TRPA1: variants seen among roughly 807,000 people sequenced by gnomAD.
TRPA1 encodes the protein ankyrin-like with transmembrane domains 1.
A neutral mutation model predicts 131.3 loss-of-function variants in TRPA1; 129 were observed. The ratio of observed to expected loss-of-function variants is 0.98; its 90% CI spans 0.85 to 1.14. The LOEUF (loss-of-function observed/expected upper bound fraction) is 1.14, where lower values mean the gene tolerates loss of function less well. Among genes scored for constraint, TRPA1 ranks in the 50% most tolerant of loss-of-function variants. The pLI, the probability that TRPA1 is intolerant of heterozygous loss-of-function variation, is 0.00. For missense variants in TRPA1, 1,304 were observed against 1,354.2 expected, an observed-to-expected ratio of 0.96 and a Z score of 0.58; for synonymous variants, 441 against 451.7, an observed-to-expected ratio of 0.98 and a Z score of 0.30.
upstream of TRPA1, chr8:72,075,677 G>A (rs374787644): frequency 2.0e-6 from 1 of 505,310 alleles, no homozygotes; most frequent in Non-Finnish European, 3.6e-6. Context: ...CGCAAAGAGG[G>A]CGGCGGCGCC....
At chr8:72,033,942 T>C in intron 22 of TRPA1, 116 bp from the exon 23 acceptor site, 1 of 1,006,414 alleles carries the variant, frequency 9.9e-7, no homozygotes, top group East Asian at 2.6e-5. Flanking sequence ...GTCATAGGCA[T>C]ATAGCTGTTG....
chr8:72,057,856 C>A, intron 8 of TRPA1, 40 bp from the exon 9 acceptor site: 1 of 1,412,148 alleles, frequency 7.1e-7, no homozygotes, highest in Non-Finnish European at 1.0e-6. Flanking sequence ...AGCTTAGAAA[C>A]AGATAAATCA....
chr8:72,064,503 G>T (rs547056795), intron 4 of TRPA1, among the ~76,000 whole-genome samples: 2 of 151,388 alleles, frequency 1.3e-5, no homozygotes, highest in African/African-American at 4.8e-5. Context: ...CTAAATTCTT[G>T]GTTTGAGTGT....
chr8:72,038,810 G>T, intron 19 of TRPA1, 55 bp downstream of exon 19: 1 of 1,493,582 alleles, frequency 6.7e-7, no homozygotes, highest in South Asian at 1.2e-5. Flanking sequence ...GTAGTCTTAA[G>T]AAAAAATACA....
chr8:72,034,436 G>A, intron 21 of TRPA1, 59 bp from the exon 22 acceptor site: 2 of 1,155,206 alleles, frequency 1.7e-6, no homozygotes, highest in East Asian at 5.1e-5. Flanking sequence ...TATTCATTCA[G>A]TGACAATATT....
upstream of TRPA1, among the ~76,000 whole-genome samples, chr8:72,075,890 G>A (rs1044414609): frequency 6.6e-6 from 1 of 151,398 alleles, no homozygotes; most frequent in East Asian, 2.0e-4. Flanking sequence ...GTGTGTGTGT[G>A]TGTGTGTGTG....
intron 15 of TRPA1, among the ~76,000 whole-genome samples, chr8:72,049,604 C>A (rs1414744819): frequency 6.6e-6 from 1 of 152,154 alleles, no homozygotes; most frequent in Non-Finnish European, 1.5e-5. Flanking sequence ...TAATACTCAT[C>A]TGCTCAACAA....
chr8:72,051,153 G>A (rs1805496287), intron 14 of TRPA1, among the ~76,000 whole-genome samples: 1 of 152,128 alleles, frequency 6.6e-6, no homozygotes, highest in Admixed American at 6.5e-5. Flanking sequence ...AAGAAGCTGG[G>A]ACTATATCTT....
intron 2 of TRPA1, among the ~76,000 whole-genome samples, chr8:72,069,424 T>C (rs1352089132): frequency 6.6e-6 from 1 of 152,202 alleles, no homozygotes. Context: ...TAAATTTCTA[T>C]AGGTAGCATT....
At chr8:72,084,358 C>CTTCATCCTCATAAATTTCTAAATT in the TRPA1 span, among the ~76,000 whole-genome samples, 5,798 of 152,062 alleles carry the variant, frequency 0.038, 368 homozygotes, top group African/African-American at 0.13. Flanking sequence ...ATTTCTAAAT[C>CTTCATCCTCATAAATTTCTAAATT]TTCCCTATAT....
At position 72,071,770 on chromosome 8, in the gene TRPA1, G is replaced by A; in HGVS notation, c.209C>T (p.Ala70Val). The part of the protein sequence containing the change: ...DDMDTFFLHY[A>V]AAEGQIELME... The stretch of plus-strand genomic sequence containing the variant: ...TAGCTCAATTTGGCCTTCTGCTGCA[G>A]CATAATGCAAGAAGAAGGTGTCCAT... The change falls in exon 2 of 27, where the codon GCT becomes GTT. Residue 70 changes from alanine to valine, a missense_variant. Transcript: ENST00000262209. 6.2e-7 allele frequency: 1 copy of A among 1,613,652 alleles called. No individual in the cohort carries two copies. The highest frequency in any genetic ancestry group is 2.2e-5 in the East Asian group (1 of 44,834).
chr8:72,070,253 C>T (rs1173641453), intron 2 of TRPA1, among the ~76,000 whole-genome samples: 1 of 152,084 alleles, frequency 6.6e-6, no homozygotes, highest in African/African-American at 2.4e-5. Flanking sequence ...GCCATGTTTT[C>T]TGTTTCTCTC....
In TRPA1 at chr8:72,050,816, T is replaced by C. The variant is rs202072255; in HGVS notation, c.1867A>G (p.Ile623Val). Residue 623 changes from isoleucine to valine, a missense_variant, in exon 15 of 27, where the codon ATT becomes GTT. Transcript: ENST00000262209. ...GGGAGGTATTCTATCATTTCTGTAA[T>C]TGGACATTTATTGCCTGGAGAATTA... ...SHNSPGNKCP[I>V]TEMIEYLPEC... 1.1e-5 allele frequency: 18 copies of C among 1,612,130 alleles called. No individual in the cohort carries two copies. Among genetic ancestry groups the C allele is most frequent in the African/African-American group, 2.7e-5 (2 of 74,866 alleles).
chr8:72,038,755 C>T, intron 19 of TRPA1, 110 bp downstream of exon 19: 1 of 917,190 alleles, frequency 1.1e-6, no homozygotes, highest in Non-Finnish European at 1.6e-6. Context: ...TTCTTACAGG[C>T]TATTTATAAT....
intron 7 of TRPA1, 149 bp downstream of exon 7, chr8:72,061,476 G>T: frequency 1.2e-6 from 1 of 852,218 alleles, no homozygotes; most frequent in Non-Finnish European, 1.9e-6. Flanking sequence ...ACGCGATTCC[G>T]GTTGATCCAC....
chr8:72,057,014 G>A lies in TRPA1; in HGVS notation c.1097C>T (p.Ala366Val). 1.3e-6 allele frequency: 2 copies of A among 1,597,398 alleles called. No individual in the cohort carries two copies. Among genetic ancestry groups the A allele is most frequent in the African/African-American group, 1.4e-5 (1 of 74,030 alleles). ...AAAATTATCTTTTATGTCTACTTGG[G>A]CACCTAAAAAAAAACACTATGTAAA... is the stretch of plus-strand genomic sequence containing the variant. ...NIVNLLLSKGAQVDIKDNFGR... is the reference protein window; with the variant it reads ...NIVNLLLSKGVQVDIKDNFGR... The change falls in exon 10 of 27, where the codon GCC becomes GTC. Residue 366 changes from alanine (A) to valine (V), a missense_variant. Transcript: ENST00000262209.
chr8:72,050,763 T>G lies in TRPA1; in HGVS notation c.1905+15A>C. 1 of 1,558,352 alleles carries G rather than the reference T, an allele frequency of 6.4e-7. No individual in the cohort carries two copies. The highest frequency in any genetic ancestry group is 8.8e-7 in the Non-Finnish European group (1 of 1,131,132). On this transcript the variant is annotated intron_variant, in intron 15 of 26. Coordinates refer to ENST00000262209, the MANE Select transcript of TRPA1 (RefSeq NM_007332.3). Reference sequence around the variant, plus strand: ...AAGCATAAACCCGGGAAGAATTTTGTTTTAGAGAATTTACCTTCATGCATT... The same window carrying G: ...AAGCATAAACCCGGGAAGAATTTTGGTTTAGAGAATTTACCTTCATGCATT...
At chr8:72,068,691 C>A (rs1344637354) in intron 3 of TRPA1, among the ~76,000 whole-genome samples, 1 of 152,150 alleles carries the variant, frequency 6.6e-6, no homozygotes, top group Non-Finnish European at 1.5e-5. Context: ...CCAAGTTATT[C>A]AAATTCTTTT....
At chr8:72,044,440 T>A (rs1812358295) in intron 17 of TRPA1, among the ~76,000 whole-genome samples, 1 of 152,026 alleles carries the variant, frequency 6.6e-6, no homozygotes, top group Non-Finnish European at 1.5e-5. Flanking sequence ...AAAACAATCC[T>A]CTTACGTTTC....
Sources: allele counts gnomAD v4.1 joint callset (sites outside exome capture counted in the v4.1 genomes callset), GRCh38; gene constraint gnomAD v4.1.1; transcripts MANE v1.5; gene names NCBI Gene and HGNC (gene_info 2026-07-23, HGNC 2026-07-21).